TMEM8B: variants seen among roughly 807,000 people sequenced by gnomAD.
TMEM8B encodes nasopharyngeal carcinoma expressed 6.
TMEM8B carries 29 observed loss-of-function variants against 49.3 expected under a neutral mutation model. That is an observed-to-expected ratio of 0.59 (90% confidence interval 0.44 to 0.80). The LOEUF (loss-of-function observed/expected upper bound fraction) is 0.80. TMEM8B is among the 30% of genes least tolerant of loss of function. The pLI is 0.00. For synonymous variants in TMEM8B, 264 were observed against 272.8 expected, an observed-to-expected ratio of 0.97 and a Z score of 0.32; for missense variants, 575 against 658.5, an observed-to-expected ratio of 0.87 and a Z score of 1.39.
chr9:35,846,613 T>C lies in TMEM8B; in HGVS notation c.1996+2T>C. 1.3e-6 allele frequency: 2 copies of C among 1,574,272 alleles called. No homozygotes were observed. Among genetic ancestry groups the C allele is most frequent in the Non-Finnish European group, 8.6e-7 (1 of 1,159,216 alleles). ...ACGCAGCCTGCGAGTGCAAGGCCGG[T>C]GAGCAGGCTGGCGAGGGAGCGGGCT... is the stretch of plus-strand genomic sequence containing the variant. On this transcript the variant is annotated splice_donor_variant, in intron 9 of 12. Transcript: ENST00000643932. LOFTEE classifies it high-confidence loss of function.
In TMEM8B at chr9:35,854,545, A is replaced by G. The variant is rs12353412; in HGVS notation, c.*705A>G. 28,293 of 151,728 alleles carry G rather than the reference A, an allele frequency of 0.19. 2,887 individuals carry two copies. Among genetic ancestry groups the G allele is most frequent in the East Asian group, 0.37 (1,924 of 5,142 alleles). 9.4% of individuals were successfully genotyped at this position (151,728 alleles called of 1,614,324 possible). ...AGCTACTGCCGGAGGCTTTTGTCACACCCTGTACACAGTCTGATCCCGCTC... is the reference window on the plus strand; with the variant it reads ...AGCTACTGCCGGAGGCTTTTGTCACGCCCTGTACACAGTCTGATCCCGCTC... On this transcript the variant is annotated 3_prime_UTR_variant, in exon 13 of 13. Coordinates refer to ENST00000643932, the MANE Select transcript of TMEM8B (RefSeq NM_001042590.4).
chr9:35,839,765 C>G (rs1830790437), intron 3 of TMEM8B, among the ~76,000 whole-genome samples: 1 of 152,140 alleles, frequency 6.6e-6, no homozygotes, highest in Admixed American at 6.5e-5. Flanking sequence ...TTATGAGAGT[C>G]TTTTGGTTCT....
chr9:35,837,483 T>C (rs764606014), intron 3 of TMEM8B, among the ~76,000 whole-genome samples: 1 of 152,046 alleles, frequency 6.6e-6, no homozygotes, highest in Non-Finnish European at 1.5e-5. Context: ...TAGAAGGAAC[T>C]GAAGTGGCTC....
intron 3 of TMEM8B, among the ~76,000 whole-genome samples, chr9:35,840,111 T>C (rs1163224489): frequency 1.3e-5 from 2 of 152,176 alleles, no homozygotes; most frequent in African/African-American, 4.8e-5. Flanking sequence ...CTGCACGTGC[T>C]GCAGAAGAGG....
At position 35,858,264 on chromosome 9, in the gene TMEM8B, T is replaced by C. The variant is rs534040217; in HGVS notation, c.*4424T>C. The C allele has an allele frequency of 3.9e-5, 6 of 152,012 alleles. No individual in the cohort carries two copies. Among genetic ancestry groups the C allele is most frequent in the Admixed American group, 3.3e-4 (5 of 15,248 alleles). 9.4% of individuals were successfully genotyped at this position (152,012 alleles called of 1,614,324 possible). ...ACCACCACACCTGGCTAATTTTTTG[T>C]GTTTTTAGTAGAGGCAGGGTTTCAT... On this transcript the variant is annotated 3_prime_UTR_variant, in exon 13 of 13. Transcript: ENST00000643932.
At position 35,853,979 on chromosome 9, in the gene TMEM8B, GGGACCTGGAGCCC is replaced by G; in HGVS notation, c.*140_*152del. The G allele has an allele frequency of 7.3e-7, 1 of 1,369,392 alleles. No individual in the cohort carries two copies. Among genetic ancestry groups the G allele is most frequent in the Non-Finnish European group, 9.4e-7 (1 of 1,066,212 alleles). 84.8% of individuals were successfully genotyped at this position (1,369,392 alleles called of 1,614,324 possible). The stretch of plus-strand genomic sequence containing the variant: ...TTCTCAAGGACACAAAACTCTTCCA[GGGACCTGGAGCCC>G]TTCCCAGGACATGGAGAACTTCCTG... On this transcript the variant is annotated 3_prime_UTR_variant, in exon 13 of 13. Transcript: ENST00000643932. This position sits in a 1 kb window ranked among gnomAD's most constrained non-coding sequence, Gnocchi z 4.2.
chr9:35,850,454 A>G (rs553842709), intron 10 of TMEM8B, among the ~76,000 whole-genome samples: 46 of 152,332 alleles, frequency 3.0e-4, no homozygotes, highest in South Asian at 1.7e-3. Context: ...TCTAAAAATT[A>G]GTCCACGGTT....
rs1832622168 is a variant in TMEM8B, at chr9:35,859,976, T to C, written c.*6136T>C. The C allele has an allele frequency of 6.6e-6, 1 of 152,574 alleles. No individual in the cohort carries two copies. Among genetic ancestry groups the C allele is most frequent in the African/African-American group, 2.4e-5 (1 of 41,458 alleles). The allele number at this position is 152,574 out of a possible 1,614,324, so 9.5% of individuals were successfully genotyped here. ...CGTCACAGCTGTCTGGTTTGCCCAC[T>C]TCATCTCATTCTCTCTCCTTTTCCA... On this transcript the variant is annotated 3_prime_UTR_variant, in exon 13 of 13. Transcript: ENST00000643932.
In TMEM8B at chr9:35,842,525, G is replaced by A. The variant is rs1221433813; in HGVS notation, c.1443G>A (p.Thr481=). 6.2e-7 allele frequency: 1 copy of A among 1,613,748 alleles called. No individual in the cohort carries two copies. Among genetic ancestry groups the A allele is most frequent in the Admixed American group, 1.7e-5 (1 of 59,976 alleles). The change falls in exon 6 of 13, where the codon ACG becomes ACA. Residue 481 remains threonine, a synonymous_variant. Coordinates refer to ENST00000643932, the MANE Select transcript of TMEM8B (RefSeq NM_001042590.4). The surrounding 1 kb of genome is among the most constrained non-coding windows in gnomAD (Gnocchi z 5.6). ...CCCCTGCGGAGGGGCCTGGGACCACGTCCCCACCCGAGCACTGCTGGCCAG... is the reference window on the plus strand; with the variant it reads ...CCCCTGCGGAGGGGCCTGGGACCACATCCCCACCCGAGCACTGCTGGCCAG... The part of the protein sequence containing the change: ...LGTPAEGPGT[T]SPPEHCWPVR...
rs1831097196 is a variant in TMEM8B at position 35,842,335 on chromosome 9, G to C, written c.1310-57G>C. The C allele has an allele frequency of 1.5e-6, 2 of 1,309,932 alleles. No homozygotes were observed. Among genetic ancestry groups the C allele is most frequent in the Non-Finnish European group, 2.0e-6 (2 of 976,618 alleles). 81.1% of individuals were successfully genotyped at this position (1,309,932 alleles called of 1,614,324 possible). ...CTGTCTAGCTCAGATGTGTTTATGA[G>C]TAAGTTCAGGACTGTAAAGGCTGCA... On this transcript the variant is annotated intron_variant, in intron 5 of 12. Coordinates refer to ENST00000643932, the MANE Select transcript of TMEM8B (RefSeq NM_001042590.4). The surrounding 1 kb of genome is among the most constrained non-coding windows in gnomAD (Gnocchi z 5.6).
intron 2 of TMEM8B, 37 bp downstream of exon 2, chr9:35,834,687 A>G (rs1830262841): frequency 4.8e-6 from 2 of 415,286 alleles, no homozygotes. Flanking sequence ...CCCACTTCCA[A>G]TCCCTGACCA....
intron 3 of TMEM8B, among the ~76,000 whole-genome samples, chr9:35,835,854 G>T (rs1044287813): frequency 6.6e-6 from 1 of 152,224 alleles, no homozygotes; most frequent in Non-Finnish European, 1.5e-5. Flanking sequence ...AGACTGAAGG[G>T]CAGGTTCAAA....
rs761577018 is a variant in TMEM8B, at chr9:35,863,574, C to T, written c.*9734C>T. ...GATGGGCTAAGTTATGTTGCAGTAA[C>T]GTACAACCTCATCATTTTAGTGGCT... is the stretch of plus-strand genomic sequence containing the variant. On this transcript the variant is annotated 3_prime_UTR_variant, in exon 13 of 13. Transcript: ENST00000643932. The T allele has an allele frequency of 6.6e-5, 10 of 152,104 alleles. No homozygotes were observed. The highest frequency in any genetic ancestry group is 2.0e-4 in the Admixed American group (3 of 15,260). 9.4% of individuals were successfully genotyped at this position (152,104 alleles called of 1,614,324 possible).
Position 35,829,331 on chromosome 9 carries a change from C to A in TMEM8B, c.-117C>A. 1 of 371,554 alleles carries A rather than the reference C, an allele frequency of 2.7e-6. No individual in the cohort carries two copies. The highest frequency in any genetic ancestry group is 1.4e-4 in the South Asian group (1 of 7,262). 23.0% of individuals were successfully genotyped at this position (371,554 alleles called of 1,614,324 possible). A position where few individuals can be genotyped will look rare whatever the true frequency, so the allele number is the denominator to read the frequency against. On this transcript the variant is annotated 5_prime_UTR_variant, in exon 1 of 13. Coordinates refer to ENST00000643932, the MANE Select transcript of TMEM8B (RefSeq NM_001042590.4). ...GAACTCCTACCCAGGTCCCCGGCCC[C>A]CGCCCCGGGCCCGCGAGGACACCGG...
At chr9:35,835,352 T>A (rs1189197932) in intron 3 of TMEM8B, 134 bp downstream of exon 3, 2 of 400,524 alleles carry the variant, frequency 5.0e-6, no homozygotes, top group Admixed American at 8.8e-5. Flanking sequence ...GGGCGGGGCA[T>A]GGCTAAAGGC....
intron 1 of TMEM8B, among the ~76,000 whole-genome samples, chr9:35,830,329 A>G (rs1829743238): frequency 6.6e-6 from 1 of 152,238 alleles, no homozygotes; most frequent in African/African-American, 2.4e-5. Context: ...GTGGGAATAT[A>G]TAGCCCAAAC....
intron 1 of TMEM8B, among the ~76,000 whole-genome samples, chr9:35,834,187 A>C (rs956978349): frequency 3.3e-5 from 5 of 152,130 alleles, no homozygotes; most frequent in Non-Finnish European, 5.9e-5. Flanking sequence ...CTAGGTTTGC[A>C]TCCTCAGTTT....
chr9:35,853,525 C>T lies in TMEM8B; in HGVS notation c.2460C>T (p.Arg820=). 1.2e-6 allele frequency: 2 copies of T among 1,613,690 alleles called. No homozygotes were observed. The highest frequency in any genetic ancestry group is 8.5e-7 in the Non-Finnish European group (1 of 1,179,896). The change falls in exon 13 of 13, where the codon CGC becomes CGT. Residue 820 remains arginine, a synonymous_variant. Transcript: ENST00000643932. The surrounding 1 kb of genome is among the most constrained non-coding windows in gnomAD (Gnocchi z 4.2). ...ATAWTVRSVR[R]RHCYPPTWRR... Reference sequence around the variant, plus strand: ...CCCAGACAGTACGCAGCGTCCGCCGCCGGCACTGCTACCCACCCACGTGGC... The same window carrying T: ...CCCAGACAGTACGCAGCGTCCGCCGTCGGCACTGCTACCCACCCACGTGGC...
Position 35,841,780 on chromosome 9 carries a change from G to C in TMEM8B, c.1295G>C (p.Cys432Ser), listed in dbSNP as rs1831023368. Residue 432 changes from cysteine to serine, a missense_variant, in exon 5 of 13, where the codon TGT (cysteine) becomes TCT (serine). By Grantham distance (112) the Cys-to-Ser change is moderately radical (BLOSUM62 -1). Transcript: ENST00000643932. The surrounding 1 kb of genome is among the most constrained non-coding windows in gnomAD (Gnocchi z 5.9). ...GPGRTIRFQL[C>S]VRLQECPQPG... ...GGTAGGACCATCCGCTTCCAGCTGT[G>C]TGTGCGGTTGCAAGGTCAGAACCCC... 4.8e-6 allele frequency: 2 copies of C among 415,940 alleles called. No individual in the cohort carries two copies. Among genetic ancestry groups the C allele is most frequent in the South Asian group, 2.5e-4 (2 of 7,962 alleles). 25.8% of individuals were successfully genotyped at this position (415,940 alleles called of 1,614,324 possible). A position where few individuals can be genotyped will look rare whatever the true frequency, so the allele number is the denominator to read the frequency against.
Sources: allele counts gnomAD v4.1 joint callset (sites outside exome capture counted in the v4.1 genomes callset), GRCh38; gene constraint gnomAD v4.1.1; non-coding constraint Gnocchi (gnomAD v3.1); transcripts MANE v1.5; gene names NCBI Gene and HGNC (gene_info 2026-07-23, HGNC 2026-07-21).